The following STAC variants were observed in gnomAD, a reference collection of about 807,000 sequenced individuals.
STAC encodes SH3 and cysteine rich domain.
A neutral mutation model predicts 48.8 loss-of-function variants in STAC; 43 were observed. The observed-to-expected ratio is 0.88, with a 90% confidence interval of 0.69 to 1.14. STAC has a LOEUF of 1.14. Among genes scored for constraint, STAC ranks in the 50% most tolerant of loss-of-function variants. The pLI is 0.00. For missense variants in STAC, 497 were observed against 504.0 expected (o/e 0.99, Z 0.13); for synonymous variants, 193 against 179.5 (o/e 1.07, Z -0.60).
intron 2 of STAC, among the ~76,000 whole-genome samples, chr3:36,454,161 G>A (rs899500787): frequency 3.3e-4 from 51 of 152,240 alleles, no homozygotes; most frequent in African/African-American, 1.2e-3. Context: ...CCTCTTCCAC[G>A]CTGTGGAAGC....
Position 36,505,838 on chromosome 3 carries a change from A to G in STAC, c.920+4A>G, listed in dbSNP as rs1698391412. 6.3e-7 allele frequency: 1 copy of G among 1,583,778 alleles called. No homozygotes were observed. The highest frequency in any genetic ancestry group is 1.4e-5 in the African/African-American group (1 of 73,382). On this transcript the variant is annotated splice_donor_region_variant and intron_variant, in intron 8 of 10. Coordinates refer to ENST00000273183, the MANE Select transcript of STAC (RefSeq NM_003149.3). Reference sequence around the variant, plus strand: ...AGAATGAAGATTTGGAAATGAGGTAAAAACCTTCTGTAAAGAAAAAAAAGA... The same window carrying G: ...AGAATGAAGATTTGGAAATGAGGTAGAAACCTTCTGTAAAGAAAAAAAAGA...
chr3:36,440,300 C>T (rs905595419), intron 1 of STAC, among the ~76,000 whole-genome samples: 4 of 152,210 alleles, frequency 2.6e-5, no homozygotes, highest in South Asian at 2.1e-4. Context: ...GCAATAGATA[C>T]CTAATTTAAT....
rs1697695864 is a variant in STAC at position 36,482,996 on chromosome 3, A to G, written c.393A>G (p.Thr131=). Residue 131 remains threonine, a synonymous_variant, in exon 3 of 11, where the codon ACA becomes ACG. Coordinates refer to ENST00000273183, the MANE Select transcript of STAC (RefSeq NM_003149.3). ...AGTTTGCCATGTACCTGACAGGAAC[A>G]AATGCTAAGCATGGACTGCGCTGCA... is the stretch of plus-strand genomic sequence containing the variant. ...CDVCNHMIVG[T]NAKHGLRCKA... 3.1e-6 allele frequency: 5 copies of G among 1,613,860 alleles called. No individual in the cohort carries two copies. The Middle Eastern group carries it at 8.2e-4, about 266-fold the overall frequency.
At chr3:36,527,820 T>C (rs893869466) in intron 8 of STAC, among the ~76,000 whole-genome samples, 6 of 152,078 alleles carry the variant, frequency 3.9e-5, no homozygotes, top group Non-Finnish European at 2.9e-5. Context: ...TCTTGATGAA[T>C]GATGTAGAAT....
At chr3:36,496,079 C>A (rs966105351) in intron 6 of STAC, among the ~76,000 whole-genome samples, 1 of 152,210 alleles carries the variant, frequency 6.6e-6, no homozygotes, top group Non-Finnish European at 1.5e-5. Context: ...ATCAAGTTGA[C>A]AATTTTCCAT....
chr3:36,448,991 C>T (rs978818872), intron 2 of STAC, among the ~76,000 whole-genome samples: 9 of 151,526 alleles, frequency 5.9e-5, no homozygotes, highest in African/African-American at 1.9e-4. Flanking sequence ...TAGTAGCACA[C>T]ACCTGTAGTC....
At chr3:36,502,736 T>C (rs150595375) in intron 6 of STAC, among the ~76,000 whole-genome samples, 286 of 152,300 alleles carry the variant, frequency 1.9e-3, no homozygotes, top group African/African-American at 6.5e-3. Context: ...CAGACAGTCA[T>C]ACATTACCAG....
rs574506124 is a variant in STAC at position 36,471,044 on chromosome 3, T to C, written c.389-11948T>C. ...TCTATAGACCTGTTGTATTAGTCCATTTTCATGATGCTGATAAAGACATAC... is the reference window on the plus strand; with the variant it reads ...TCTATAGACCTGTTGTATTAGTCCACTTTCATGATGCTGATAAAGACATAC... On this transcript the variant is annotated intron_variant, in intron 2 of 10. Coordinates refer to ENST00000273183, the MANE Select transcript of STAC (RefSeq NM_003149.3). Among the ~76,000 whole-genome samples, 34 of 152,254 alleles carry C rather than the reference T, an allele frequency of 2.2e-4. 1 individual carries two copies. The South Asian group carries it at 7.1e-3, about 32-fold the overall frequency.
intron 2 of STAC, among the ~76,000 whole-genome samples, chr3:36,452,768 T>C (rs1270907241): frequency 6.6e-6 from 1 of 152,200 alleles, no homozygotes; most frequent in Non-Finnish European, 1.5e-5. Flanking sequence ...TCATCATAAA[T>C]TCAAGTGAGA....
At chr3:36,435,365 A>C (rs1261643399) in intron 1 of STAC, among the ~76,000 whole-genome samples, 6 of 152,140 alleles carry the variant, frequency 3.9e-5, no homozygotes, top group Non-Finnish European at 8.8e-5. Context: ...ACTCTTCTCC[A>C]TCTTTCTCCT....
At chr3:36,534,985 T>G (rs746324150) in intron 10 of STAC, among the ~76,000 whole-genome samples, 21 of 152,194 alleles carry the variant, frequency 1.4e-4, no homozygotes, top group African/African-American at 5.1e-4. Context: ...TTAAAATGTA[T>G]CCTTATTAAA....
chr3:36,486,297 G>C (rs1697813626), intron 5 of STAC, 48 bp downstream of exon 5: 4 of 1,553,690 alleles, frequency 2.6e-6, no homozygotes, highest in Admixed American at 1.7e-5. Flanking sequence ...GTCTTGGGCA[G>C]AGCGGGCCTC....
intron 1 of STAC, among the ~76,000 whole-genome samples, chr3:36,398,813 T>C (rs1471062144): frequency 6.6e-6 from 1 of 152,162 alleles, no homozygotes; most frequent in Non-Finnish European, 1.5e-5. Flanking sequence ...GACATACAGG[T>C]TGCTGTTGCT....
intron 10 of STAC, among the ~76,000 whole-genome samples, chr3:36,534,680 CTCCTCCTTT>C (rs1025362930): frequency 2.0e-5 from 3 of 151,750 alleles, no homozygotes; most frequent in African/African-American, 7.3e-5. Context: ...CTGTTTCCTC[CTCCTCCTTT>C]TCCTCCTCTT....
At position 36,443,232 on chromosome 3, in the gene STAC, C is replaced by A; in HGVS notation, c.112-132C>A. 1 of 1,068,958 alleles carries A rather than the reference C, an allele frequency of 9.4e-7. No homozygotes were observed. The highest frequency in any genetic ancestry group is 1.3e-6 in the Non-Finnish European group (1 of 748,604). 66.2% of individuals were successfully genotyped at this position (1,068,958 alleles called of 1,614,324 possible). On this transcript the variant is annotated intron_variant, in intron 1 of 10. Coordinates refer to ENST00000273183, the MANE Select transcript of STAC (RefSeq NM_003149.3). This position sits in a 1 kb window ranked among gnomAD's most constrained non-coding sequence, Gnocchi z 4.2. ...TGCCATCACCCCACCCACACAGGGACATTTATGAGCCTCCTCAAGACGGAG... is the reference window on the plus strand; with the variant it reads ...TGCCATCACCCCACCCACACAGGGAAATTTATGAGCCTCCTCAAGACGGAG...
chr3:36,542,271 T>C (rs1031479091), intron 10 of STAC, among the ~76,000 whole-genome samples: 5 of 152,238 alleles, frequency 3.3e-5, no homozygotes, highest in African/African-American at 1.2e-4. Flanking sequence ...ACTCAGGCAA[T>C]GCTAACTGAA....
intron 1 of STAC, among the ~76,000 whole-genome samples, chr3:36,389,720 C>T (rs1442203376): frequency 6.6e-6 from 1 of 152,108 alleles, no homozygotes; most frequent in Non-Finnish European, 1.5e-5. Context: ...GGCACAGACA[C>T]AGCCATGTTC....
intron 1 of STAC, among the ~76,000 whole-genome samples, chr3:36,411,683 C>T (rs964153021): frequency 1.3e-5 from 2 of 152,154 alleles, no homozygotes; most frequent in Non-Finnish European, 2.9e-5. Context: ...GAGAGGTCCC[C>T]AGGTTGTAGG....
chr3:36,524,390 G>A (rs967791423), intron 8 of STAC, among the ~76,000 whole-genome samples: 23 of 152,042 alleles, frequency 1.5e-4, no homozygotes, highest in Non-Finnish European at 3.1e-4. Flanking sequence ...TCAGGAGTTC[G>A]AGACCAGCCT....
Sources: gnomAD v4.1 joint callset for allele counts (sites outside exome capture counted in the v4.1 genomes callset) on GRCh38, gnomAD v4.1.1 for gene constraint, Gnocchi (gnomAD v3.1) non-coding constraint, MANE v1.5 for transcripts, NCBI Gene and HGNC (gene_info 2026-07-23, HGNC 2026-07-21) for gene names.